Variants in ZNF550 observed in about 807,000 individuals in gnomAD.
ZNF550 encodes zinc finger protein 550.
A neutral mutation model predicts 40.2 loss-of-function variants in ZNF550; 42 were observed. The observed-to-expected ratio is 1.05, with a 90% CI of 0.82 to 1.35. The LOEUF (loss-of-function observed/expected upper bound fraction) is 1.35, where lower values mean the gene tolerates loss of function less well. Among genes scored for constraint, ZNF550 ranks in the 40% most tolerant of loss-of-function variants. ZNF550 has a pLI of 0.00. For missense variants in ZNF550, 549 were observed against 525.2 expected (o/e 1.05, Z -0.44); for synonymous variants, 223 against 198.6 (o/e 1.12, Z -1.03).
At chr19:57,544,284 G>T in intron 4 of ZNF550, 1 of 985,406 alleles carries the variant, frequency 1.0e-6, no homozygotes, top group Non-Finnish European at 1.2e-6. Context: ...AAACACTTCA[G>T]TGAAGACTGT....
At position 57,543,262 on chromosome 19, in the gene ZNF550, C is replaced by T. The variant is rs923818022; in HGVS notation, c.*519-19G>A. On this transcript the variant is annotated intron_variant, in intron 4 of 4. Transcript: ENST00000457177. Reference sequence around the variant, plus strand: ...AGTTTTTCTGAAATTATAAAATTTACTGTGAACATTTCAAACATTTCCACA... The same window carrying T: ...AGTTTTTCTGAAATTATAAAATTTATTGTGAACATTTCAAACATTTCCACA... The T allele has an allele frequency of 1.6e-5, 14 of 890,052 alleles. No individual in the cohort carries two copies. The African/African-American group carries it at 1.6e-4, about 10-fold the overall frequency. The allele number at this position is 890,052 out of a possible 1,614,324, so 55.1% of individuals were successfully genotyped here.
chr19:57,542,730 A>G (rs2089972067), exon 5 of ZNF550: 2 of 152,222 alleles, frequency 1.3e-5, no homozygotes, highest in Non-Finnish European at 2.9e-5. Context: ...CCATGCTTCT[A>G]TCTCGGCTTC....
At chr19:57,553,024 C>T (rs1265071532) in intron 2 of ZNF550, 2 of 251,134 alleles carry the variant, frequency 8.0e-6, no homozygotes, top group South Asian at 1.2e-4. Context: ...AAATTATGGC[C>T]TCATAAAAAC....
upstream of ZNF550, among the ~76,000 whole-genome samples, chr19:57,560,788 G>A (rs1407943470): frequency 6.6e-6 from 1 of 152,146 alleles, no homozygotes; most frequent in African/African-American, 2.4e-5. Flanking sequence ...TTAGGTCTGG[G>A]GTAGGAAATG....
chr19:57,547,829 T>C, exon 4 of ZNF550: 1 of 1,614,172 alleles, frequency 6.2e-7, no homozygotes, highest in Non-Finnish European at 8.5e-7. Flanking sequence ...GGTGTCACTT[T>C]ACCTTTCTGC....
chr19:57,557,196 G>C (rs1322899974), intron 1 of ZNF550: 1 of 151,860 alleles, frequency 6.6e-6, no homozygotes. Context: ...TAAGAGGAAG[G>C]CATCTGTCTC....
intron 3 of ZNF550, among the ~76,000 whole-genome samples, chr19:57,552,063 A>G (rs2090077131): frequency 6.6e-6 from 1 of 152,234 alleles, no homozygotes; most frequent in Admixed American, 6.5e-5. Flanking sequence ...AAAACTGTTC[A>G]TGCATAATAC....
rs142401574 is a variant in ZNF550 at position 57,552,943 on chromosome 19, A to T, written c.155-221T>A. 171 of 498,436 alleles carry T rather than the reference A, an allele frequency of 3.4e-4. No individual in the cohort carries two copies. In the East Asian group the frequency reaches 5.3e-3, roughly 16 times the overall value. The allele number at this position is 498,436 out of a possible 1,614,324, so 30.9% of individuals were successfully genotyped here. A position where few individuals can be genotyped will look rare whatever the true frequency, so the allele number is the denominator to read the frequency against. On this transcript the variant is annotated intron_variant, in intron 2 of 4. Transcript: ENST00000457177. ...ATGCCCTAACACCCAACGTGACTGT[A>T]TATGGAGACAGGATCTTTAGAAGGT... is the stretch of plus-strand genomic sequence containing the variant.
chr19:57,559,183 G>A (rs1464505622), intron 1 of ZNF550, among the ~76,000 whole-genome samples: 1 of 152,206 alleles, frequency 6.6e-6, no homozygotes, highest in Admixed American at 6.5e-5. Context: ...ACAACATCCT[G>A]AGCGACGTCC....
At chr19:57,559,191 T>A (rs551851030) in intron 1 of ZNF550, among the ~76,000 whole-genome samples, 3 of 152,050 alleles carry the variant, frequency 2.0e-5, no homozygotes, top group African/African-American at 7.2e-5. Flanking sequence ...CTGAGCGACG[T>A]CCCCGGACCG....
intron 3 of ZNF550, chr19:57,552,396 CAG>C: frequency 2.0e-6 from 1 of 497,020 alleles, no homozygotes; most frequent in Non-Finnish European, 3.6e-6. Flanking sequence ...TGGATTGAGC[CAG>C]AGCAACCATA....
chr19:57,560,053 C>T (rs2090157687), upstream of ZNF550, among the ~76,000 whole-genome samples: 1 of 152,232 alleles, frequency 6.6e-6, no homozygotes, highest in African/African-American at 2.4e-5. Context: ...ATTTTTAAAA[C>T]TTCCTATTAT....
chr19:57,559,834 A>C, exon 1 of ZNF550: 8 of 595,156 alleles, frequency 1.3e-5, no homozygotes, highest in African/African-American at 1.9e-5. Flanking sequence ...CCCCACCACA[A>C]ACGTCCACGC....
chr19:57,551,480 T>C (rs2090072196), intron 3 of ZNF550, among the ~76,000 whole-genome samples: 1 of 151,880 alleles, frequency 6.6e-6, no homozygotes, highest in Non-Finnish European at 1.5e-5. Flanking sequence ...TTAGGAGATA[T>C]GGATCATTTA....
At chr19:57,547,831 C>T in exon 4 of ZNF550, 1 of 1,614,140 alleles carries the variant, frequency 6.2e-7, no homozygotes, top group South Asian at 1.1e-5. Context: ...TGTCACTTTA[C>T]CTTTCTGCAT....
At chr19:57,559,575 C>T in intron 1 of ZNF550, 81 bp downstream of exon 1, 3 of 1,373,640 alleles carry the variant, frequency 2.2e-6, no homozygotes, top group Non-Finnish European at 2.9e-6. Context: ...CTGAGGACGA[C>T]CCTGAAACGC....
chr19:57,556,573 T>C (rs931036909), intron 1 of ZNF550: 40 of 487,154 alleles, frequency 8.2e-5, no homozygotes, highest in African/African-American at 6.3e-4. Context: ...GGGGAAGCTG[T>C]TGAAGATGAC....
intron 2 of ZNF550, chr19:57,553,965 C>T (rs1599897094): frequency 6.6e-6 from 1 of 152,312 alleles, no homozygotes; most frequent in African/African-American, 2.4e-5. Flanking sequence ...CACTTGAGGC[C>T]AGGAGTTCTA....
exon 4 of ZNF550, chr19:57,547,245 A>G (rs200035742): frequency 8.7e-6 from 14 of 1,613,850 alleles, no homozygotes; most frequent in Non-Finnish European, 2.5e-6. Context: ...GGATGATGTA[A>G]TGTTGAATTA....
Sources: gnomAD v4.1 joint callset for allele counts (sites outside exome capture counted in the v4.1 genomes callset) on GRCh38, gnomAD v4.1.1 for gene constraint, MANE v1.5 for transcripts, NCBI Gene and HGNC (gene_info 2026-07-23, HGNC 2026-07-21) for gene names.